STARD3NL: variants seen among roughly 807,000 people sequenced by gnomAD.
STARD3NL encodes STARD3 N-terminal-like protein.
A neutral mutation model predicts 30.9 loss-of-function variants in STARD3NL; 17 were observed. The ratio of observed to expected loss-of-function variants is 0.55; its 90% CI spans 0.38 to 0.82. The LOEUF (loss-of-function observed/expected upper bound fraction) is 0.82, where lower values mean the gene tolerates loss of function less well. STARD3NL is among the 40% of genes least tolerant of loss of function. The probability of loss-of-function intolerance (pLI) is 0.00; values close to 1 mark genes in which losing one functional copy is unlikely to be tolerated. For missense variants in STARD3NL, 234 were observed against 277.6 expected, an observed-to-expected ratio of 0.84 and a Z score of 1.12; for synonymous variants, 112 against 100.5, an observed-to-expected ratio of 1.11 and a Z score of -0.69.
chr7:38,189,337 A>G (rs936975116), intron 1 of STARD3NL, among the ~76,000 whole-genome samples: 4 of 152,334 alleles, frequency 2.6e-5, no homozygotes, highest in South Asian at 4.1e-4. Context: ...ATTCATAAAG[A>G]AAAGTAAGGA....
intron 1 of STARD3NL, among the ~76,000 whole-genome samples, chr7:38,182,225 C>T (rs571870250): frequency 6.6e-6 from 1 of 152,284 alleles, no homozygotes; most frequent in South Asian, 2.1e-4. Flanking sequence ...GAGAGACACA[C>T]TGTTAGGCTT....
intron 1 of STARD3NL, chr7:38,201,842 C>G (rs1785193264): frequency 6.6e-6 from 1 of 152,232 alleles, no homozygotes; most frequent in Non-Finnish European, 1.5e-5. Flanking sequence ...TGTGCACTAC[C>G]ACTCCTGTCT....
At chr7:38,228,958 AAG>A in intron 8 of STARD3NL, 87 bp downstream of exon 8, 1 of 939,926 alleles carries the variant, frequency 1.1e-6, no homozygotes, top group Non-Finnish European at 1.6e-6. Context: ...TTCAAAGAAT[AAG>A]AGTGTAAGGA....
intron 1 of STARD3NL, among the ~76,000 whole-genome samples, chr7:38,191,982 A>G (rs148934982): frequency 1.0e-3 from 157 of 152,226 alleles, no homozygotes; most frequent in African/African-American, 3.7e-3. Context: ...GAGAATTGAT[A>G]TCTTAACAAT....
rs1042016486 is a variant in STARD3NL at position 38,217,366 on chromosome 7, A to C, written c.553+61A>C. On this transcript the variant is annotated intron_variant, in intron 6 of 8. Coordinates refer to ENST00000009041, the MANE Select transcript of STARD3NL (RefSeq NM_032016.4). ...CTGGATACCAAGCTGGGAGGAAGAG[A>C]TGTGGTTTCTTGGTGTGAATGGGGC... 2.6e-6 allele frequency: 4 copies of C among 1,532,322 alleles called. No individual in the cohort carries two copies. In the Admixed American group the frequency reaches 6.8e-5, roughly 26 times the overall value. The allele number at this position is 1,532,322 out of a possible 1,614,324, so 94.9% of individuals were successfully genotyped here. A position where few individuals can be genotyped will look rare whatever the true frequency, so the allele number is the denominator to read the frequency against.
intron 1 of STARD3NL, among the ~76,000 whole-genome samples, chr7:38,182,908 C>T (rs749982410): frequency 7.9e-5 from 12 of 152,296 alleles, no homozygotes; most frequent in Middle Eastern, 6.8e-3. Flanking sequence ...GGCCCAGGAC[C>T]TTTCATGTTG....
At chr7:38,219,800 A>G in intron 7 of STARD3NL, 140 bp downstream of exon 7, 1 of 644,572 alleles carries the variant, frequency 1.6e-6, no homozygotes, top group South Asian at 1.9e-5. Flanking sequence ...AAAATAGGTG[A>G]GACACGGTCT....
chr7:38,212,803 A>G (rs1370464962), intron 2 of STARD3NL, among the ~76,000 whole-genome samples: 1 of 152,210 alleles, frequency 6.6e-6, no homozygotes, highest in East Asian at 1.9e-4. Context: ...GTATGCAAAG[A>G]TGACTCTAAA....
At chr7:38,197,150 T>TTCTTTC (rs1243712133) in intron 1 of STARD3NL, among the ~76,000 whole-genome samples, 1 of 143,514 alleles carries the variant, frequency 7.0e-6, no homozygotes, top group Non-Finnish European at 1.5e-5. Flanking sequence ...CTTTCTTTCT[T>TTCTTTC]TCTTTCTTTC....
chr7:38,204,013 T>C (rs1402368817), intron 1 of STARD3NL, among the ~76,000 whole-genome samples: 1 of 152,130 alleles, frequency 6.6e-6, no homozygotes, highest in African/African-American at 2.4e-5. Flanking sequence ...CAAAGAGACT[T>C]AGACTCCCAC....
intron 3 of STARD3NL, 42 bp from the exon 4 acceptor site, chr7:38,214,986 G>GTA: frequency 6.4e-7 from 1 of 1,553,922 alleles, no homozygotes; most frequent in Non-Finnish European, 8.8e-7. Flanking sequence ...TGTCATTTTT[G>GTA]TATATATTTT....
At chr7:38,199,204 A>G (rs559004912) in intron 1 of STARD3NL, among the ~76,000 whole-genome samples, 36 of 152,318 alleles carry the variant, frequency 2.4e-4, no homozygotes, top group African/African-American at 8.4e-4. Context: ...TATACAGCCA[A>G]TCAATACTTA....
chr7:38,209,573 C>T (rs1785680867), intron 2 of STARD3NL, among the ~76,000 whole-genome samples: 1 of 152,130 alleles, frequency 6.6e-6, no homozygotes, highest in African/African-American at 2.4e-5. Context: ...TGTGAGCCAT[C>T]GCGCCTGGCC....
intron 1 of STARD3NL, among the ~76,000 whole-genome samples, chr7:38,186,722 A>T (rs188018152): frequency 4.2e-4 from 64 of 152,340 alleles, no homozygotes; most frequent in African/African-American, 1.4e-3. Context: ...AGGCTGTACC[A>T]TATAGCCTAG....
chr7:38,208,887 T>C (rs1361230800), intron 2 of STARD3NL, among the ~76,000 whole-genome samples: 3 of 152,248 alleles, frequency 2.0e-5, no homozygotes, highest in Non-Finnish European at 4.4e-5. Context: ...ATTCATAGCA[T>C]AATTTCAATT....
chr7:38,206,456 C>T (rs1179141196), intron 1 of STARD3NL, among the ~76,000 whole-genome samples: 2 of 152,210 alleles, frequency 1.3e-5, no homozygotes, highest in Admixed American at 6.5e-5. Context: ...CCATCCACCA[C>T]ACTTCGTTTA....
chr7:38,217,341 C>G (rs775638464), intron 6 of STARD3NL, 36 bp downstream of exon 6: 23 of 1,592,994 alleles, frequency 1.4e-5, no homozygotes, highest in Non-Finnish European at 1.9e-5. Context: ...CTGAGGCGGA[C>G]TGGATACCAA....
intron 1 of STARD3NL, among the ~76,000 whole-genome samples, chr7:38,193,159 G>A (rs1784759160): frequency 6.6e-6 from 1 of 152,118 alleles, no homozygotes; most frequent in Admixed American, 6.6e-5. Flanking sequence ...CAATCAAAAT[G>A]TACATAATTT....
chr7:38,186,619 T>C (rs1784469766), intron 1 of STARD3NL, among the ~76,000 whole-genome samples: 1 of 152,206 alleles, frequency 6.6e-6, no homozygotes, highest in Non-Finnish European at 1.5e-5. Context: ...GTATTGTTTC[T>C]GTTTAGATAT....
Sources: gnomAD v4.1 joint callset for allele counts (sites outside exome capture counted in the v4.1 genomes callset) on GRCh38, gnomAD v4.1.1 for gene constraint, MANE v1.5 for transcripts, NCBI Gene and HGNC (gene_info 2026-07-23, HGNC 2026-07-21) for gene names.